Variants in RPS6KC1 observed in about 807,000 individuals in gnomAD.
RPS6KC1 encodes ribosomal protein S6 kinase C1.
In RPS6KC1, 54 loss-of-function variants were observed where a neutral mutation model predicts 103.8. The ratio of observed to expected loss-of-function variants is 0.52; its 90% CI spans 0.42 to 0.65. The LOEUF is 0.65. Among genes scored for constraint, RPS6KC1 ranks in the 30% least tolerant of loss-of-function variants. RPS6KC1 has a pLI of 0.00. For missense variants in RPS6KC1, 1,151 were observed against 1,253.8 expected (o/e 0.92, Z 1.24); for synonymous variants, 439 against 438.7 (o/e 1.00, Z -0.01).
In RPS6KC1 at chr1:213,051,299, G is replaced by T. The variant is rs1219962042; in HGVS notation, c.-106G>T. 4 of 778,252 alleles carry T rather than the reference G, an allele frequency of 5.1e-6. No individual in the cohort carries two copies. The African/African-American group carries it at 5.2e-5, about 10-fold the overall frequency. 48.2% of individuals were successfully genotyped at this position (778,252 alleles called of 1,614,324 possible). A position where few individuals can be genotyped will look rare whatever the true frequency, so the allele number is the denominator to read the frequency against. On this transcript the variant is annotated 5_prime_UTR_variant, in exon 1 of 15. Transcript: ENST00000366960. ...GCCGTGGAGCCGCCTTGGAGCCACC[G>T]CCCCCTCGCCGCTTCGCCGCTGCGT...
At chr1:213,282,231 G>A in the RPS6KC1 span, among the ~76,000 whole-genome samples, 3 of 152,346 alleles carry the variant, frequency 2.0e-5, no homozygotes, top group South Asian at 2.1e-4. Context: ...AAAACAATGA[G>A]CTGTGCGGAG....
At chr1:213,463,510 C>T in the RPS6KC1 span, among the ~76,000 whole-genome samples, 2 of 152,132 alleles carry the variant, frequency 1.3e-5, no homozygotes, top group Non-Finnish European at 1.5e-5. Context: ...TAAACTCTTG[C>T]AAAACCATAG....
chr1:213,147,151 C>T (rs1558414876), intron 6 of RPS6KC1, among the ~76,000 whole-genome samples: 2 of 152,066 alleles, frequency 1.3e-5, no homozygotes, highest in South Asian at 4.1e-4. Flanking sequence ...GCTGTCTCTT[C>T]ACTTTTTTGA....
chr1:213,195,879 T>C (rs1319920505), intron 8 of RPS6KC1, among the ~76,000 whole-genome samples: 1 of 151,956 alleles, frequency 6.6e-6, no homozygotes, highest in East Asian at 1.9e-4. Context: ...TATCTACTTG[T>C]TGGTAATGGG....
At chr1:213,337,908 A>G in the RPS6KC1 span, among the ~76,000 whole-genome samples, 1 of 152,166 alleles carries the variant, frequency 6.6e-6, no homozygotes, top group Non-Finnish European at 1.5e-5. Context: ...AATATAGGGT[A>G]GGGACAATTT....
At chr1:213,731,061 G>A in the RPS6KC1 span, among the ~76,000 whole-genome samples, 18 of 152,064 alleles carry the variant, frequency 1.2e-4, no homozygotes, top group South Asian at 4.1e-4. Context: ...TAGGCTTGTC[G>A]AAGATCAGAT....
the RPS6KC1 span, among the ~76,000 whole-genome samples, chr1:213,377,898 A>T: frequency 1.3e-5 from 2 of 152,220 alleles, no homozygotes; most frequent in African/African-American, 4.8e-5. Context: ...AATCCTACAC[A>T]TTGGGACTTT....
chr1:213,741,412 T>C, the RPS6KC1 span, among the ~76,000 whole-genome samples: 13 of 152,114 alleles, frequency 8.5e-5, no homozygotes, highest in Non-Finnish European at 1.8e-4. Flanking sequence ...CATCTCTTCT[T>C]GAAGAGATTA....
In RPS6KC1 at chr1:213,240,812, C is replaced by T. The variant is rs763020161; in HGVS notation, c.1336C>T (p.Pro446Ser). 2 of 1,613,906 alleles carry T rather than the reference C, an allele frequency of 1.2e-6. No individual in the cohort carries two copies. The highest frequency in any genetic ancestry group is 1.7e-6 in the Non-Finnish European group (2 of 1,179,876). ...PTLAKVHLQQPTSSPQDSSSF... is the reference protein window; with the variant it reads ...PTLAKVHLQQSTSSPQDSSSF... ...ACTTGCAAAAGTTCACCTGCAGCAG[C>T]CAACTTCTAGTCCTCAGGACAGCAG... Residue 446 changes from proline to serine, a missense_variant, in exon 11 of 15, where the codon CCA becomes TCA. Physicochemically the swap from Pro to Ser is moderately conservative, Grantham distance 74. This residue lies in a region of RPS6KC1 where 959 missense variants were observed against 1,006.3 expected (regional missense o/e 0.95). Coordinates refer to ENST00000366960, the MANE Select transcript of RPS6KC1 (RefSeq NM_012424.6).
At chr1:213,472,598 A>G in the RPS6KC1 span, among the ~76,000 whole-genome samples, 1 of 152,194 alleles carries the variant, frequency 6.6e-6, no homozygotes, top group Non-Finnish European at 1.5e-5. Context: ...ACGTGTCTTC[A>G]TGAAATGGAA....
the RPS6KC1 span, among the ~76,000 whole-genome samples, chr1:213,440,370 G>A: frequency 6.6e-6 from 1 of 152,156 alleles, no homozygotes; most frequent in Non-Finnish European, 1.5e-5. Flanking sequence ...AGGTGGATGT[G>A]AAGACTTCTT....
At chr1:213,684,727 A>G in the RPS6KC1 span, among the ~76,000 whole-genome samples, 1 of 152,232 alleles carries the variant, frequency 6.6e-6, no homozygotes, top group African/African-American at 2.4e-5. Flanking sequence ...AGCCAGCACA[A>G]TGAAGTGCAA....
chr1:213,160,699 A>G (rs1202253680), intron 6 of RPS6KC1, among the ~76,000 whole-genome samples: 1 of 151,808 alleles, frequency 6.6e-6, no homozygotes, highest in African/African-American at 2.4e-5. Context: ...TGTCCTTTGT[A>G]GGGACATGGA....
chr1:213,613,074 C>T, the RPS6KC1 span, among the ~76,000 whole-genome samples: 3 of 152,168 alleles, frequency 2.0e-5, no homozygotes, highest in African/African-American at 7.2e-5. Context: ...CTCCCAACTC[C>T]CTCTCCCCAA....
chr1:213,443,491 G>T, the RPS6KC1 span, among the ~76,000 whole-genome samples: 2 of 152,116 alleles, frequency 1.3e-5, no homozygotes, highest in African/African-American at 4.8e-5. Flanking sequence ...TTAGCCAGGG[G>T]TCCTAATTAA....
chr1:213,252,818 C>T (rs2149034347), intron 12 of RPS6KC1, among the ~76,000 whole-genome samples: 1 of 152,120 alleles, frequency 6.6e-6, no homozygotes, highest in Admixed American at 6.5e-5. Context: ...ATCTTGTGGC[C>T]TTAAAATTGG....
intron 8 of RPS6KC1, among the ~76,000 whole-genome samples, chr1:213,228,466 A>G (rs2148840615): frequency 6.6e-6 from 1 of 152,164 alleles, no homozygotes; most frequent in Middle Eastern, 3.4e-3. Context: ...TATCCCTGTA[A>G]TCTCAGCACT....
At chr1:213,835,903 G>C in the RPS6KC1 span, 3 of 152,072 alleles carry the variant, frequency 2.0e-5, no homozygotes, top group African/African-American at 7.2e-5. Context: ...TTCATTATTT[G>C]CATGTAGATA....
chr1:213,622,811 A>G, the RPS6KC1 span, among the ~76,000 whole-genome samples: 1 of 151,952 alleles, frequency 6.6e-6, no homozygotes, highest in Admixed American at 6.6e-5. Context: ...TCCCGGGCTT[A>G]ATGTCAAAGG....
Sources: allele counts gnomAD v4.1 joint callset (sites outside exome capture counted in the v4.1 genomes callset), GRCh38; gene constraint gnomAD v4.1.1; regional missense constraint gnomAD v4.1.1; transcripts MANE v1.5; gene names NCBI Gene and HGNC (gene_info 2026-07-23, HGNC 2026-07-21).